The following OSBPL8 variants were observed in gnomAD, a reference collection of about 807,000 sequenced individuals.
OSBPL8 encodes oxysterol binding protein like 8.
In OSBPL8, 59 loss-of-function variants were observed where a neutral mutation model predicts 125.5. The observed-to-expected ratio is 0.47, with a 90% CI of 0.38 to 0.58. The LOEUF is 0.58. OSBPL8 is among the 20% of genes least tolerant of loss of function. OSBPL8 has a pLI of 0.00. For missense variants in OSBPL8, 758 were observed against 1,047.8 expected (o/e 0.72, Z 3.82); for synonymous variants, 330 against 338.9 (o/e 0.97, Z 0.29).
chr12:76,373,451 G>A lies in OSBPL8; in HGVS notation c.1828-18C>T, dbSNP rs1346210972. Reference sequence around the variant, plus strand: ...AGGAATGGCTTTTAAACGAGAAAATGTTAAACATTTTACTTTTCACTTATA... The same window carrying A: ...AGGAATGGCTTTTAAACGAGAAAATATTAAACATTTTACTTTTCACTTATA... On this transcript the variant is annotated intron_variant, in intron 17 of 23. Coordinates refer to ENST00000261183, the MANE Select transcript of OSBPL8 (RefSeq NM_020841.5). 2.6e-6 allele frequency: 4 copies of A among 1,524,802 alleles called. No homozygotes were observed. Among genetic ancestry groups the A allele is most frequent in the South Asian group, 1.2e-5 (1 of 84,264 alleles). The allele number at this position is 1,524,802 out of a possible 1,614,324, so 94.5% of individuals were successfully genotyped here. A position where few individuals can be genotyped will look rare whatever the true frequency, so the allele number is the denominator to read the frequency against.
Position 76,438,149 on chromosome 12 carries a change from G to A in OSBPL8, c.217+12702C>T, listed in dbSNP as rs182537772. On this transcript the variant is annotated intron_variant, in intron 4 of 23. Transcript: ENST00000261183. ...CTACAGGCACGCACCACCACGCCCA[G>A]CTAATTTTTTGTATTTTTAGTAGAG... 3.3e-5 allele frequency among the ~76,000 whole-genome samples: 5 copies of A among 151,902 alleles called. No homozygotes were observed. The East Asian group carries it at 9.7e-4, about 29-fold the overall frequency.
intron 2 of OSBPL8, among the ~76,000 whole-genome samples, chr12:76,466,381 A>C (rs990098023): frequency 3.3e-5 from 5 of 152,232 alleles, no homozygotes; most frequent in Admixed American, 6.5e-5. Context: ...CATTTTAAGA[A>C]TCCAACTTGA....
At chr12:76,548,654 C>T (rs1950851137) in intron 1 of OSBPL8, among the ~76,000 whole-genome samples, 1 of 152,104 alleles carries the variant, frequency 6.6e-6, no homozygotes, top group Non-Finnish European at 1.5e-5. Flanking sequence ...TAGCAGCTAG[C>T]TCCTCTCTCT....
intron 1 of OSBPL8, among the ~76,000 whole-genome samples, chr12:76,540,854 G>A (rs759506584): frequency 6.6e-6 from 1 of 152,062 alleles, no homozygotes; most frequent in Non-Finnish European, 1.5e-5. Flanking sequence ...CTTCCCTTAA[G>A]AAGAGCAAAA....
At chr12:76,474,748 G>A (rs1876589749) in intron 2 of OSBPL8, among the ~76,000 whole-genome samples, 1 of 152,194 alleles carries the variant, frequency 6.6e-6, no homozygotes, top group Admixed American at 6.5e-5. Flanking sequence ...CTCCCAAAGT[G>A]CTGGGATTAC....
intron 1 of OSBPL8, among the ~76,000 whole-genome samples, chr12:76,521,504 A>G (rs1240701001): frequency 1.3e-5 from 2 of 152,346 alleles, no homozygotes; most frequent in South Asian, 2.1e-4. Context: ...TTGTACACCC[A>G]TGTTCACAGC....
At chr12:76,450,052 C>T (rs1185411536) in intron 4 of OSBPL8, among the ~76,000 whole-genome samples, 2 of 152,030 alleles carry the variant, frequency 1.3e-5, no homozygotes, top group East Asian at 1.9e-4. Context: ...GAAGCAGATA[C>T]AAAAATGCAG....
intron 4 of OSBPL8, among the ~76,000 whole-genome samples, chr12:76,431,122 T>TG (rs943677118): frequency 6.6e-6 from 1 of 150,592 alleles, no homozygotes; most frequent in African/African-American, 2.4e-5. Flanking sequence ...AAGTATGAGG[T>TG]GGGGGGAGGT....
In OSBPL8 at chr12:76,425,409, A is replaced by G. The variant is rs148124663; in HGVS notation, c.218-14775T>C. Among the ~76,000 whole-genome samples, 1,198 of 152,328 alleles carry G rather than the reference A, an allele frequency of 7.9e-3. 17 individuals carry two copies. Among genetic ancestry groups the G allele is most frequent in the African/African-American group, 0.027 (1,134 of 41,578 alleles). ...ACAATGCACTATATCTTTGAGAAAC[A>G]GAGAAAATATTCCTATAGGACTTAC... is the stretch of plus-strand genomic sequence containing the variant. On this transcript the variant is annotated intron_variant, in intron 4 of 23. Transcript: ENST00000261183.
chr12:76,502,036 T>C (rs893389299), intron 1 of OSBPL8, among the ~76,000 whole-genome samples: 10 of 152,208 alleles, frequency 6.6e-5, no homozygotes, highest in African/African-American at 2.4e-4. Context: ...CCACTGGCCT[T>C]ACCATGTTCC....
chr12:76,489,984 T>A (rs1878540491), intron 1 of OSBPL8, among the ~76,000 whole-genome samples: 1 of 152,174 alleles, frequency 6.6e-6, no homozygotes, highest in African/African-American at 2.4e-5. Context: ...ACGGATGACT[T>A]TGTGCATTTC....
At chr12:76,416,072 G>A (rs185675575) in intron 4 of OSBPL8, among the ~76,000 whole-genome samples, 4 of 151,666 alleles carry the variant, frequency 2.6e-5, no homozygotes, top group South Asian at 2.1e-4. Context: ...TCTTAATCAC[G>A]ATTTTAAAGC....
chr12:76,356,162 T>TGGGGGGGGGGGGGGGGGTGAGGGGGGGG, intron 23 of OSBPL8, 141 bp from the exon 24 acceptor site: 1 of 131,834 alleles, frequency 7.6e-6, no homozygotes, highest in Non-Finnish European at 1.6e-5. Flanking sequence ...TATGTAGGGG[T>TGGGGGGGGGGGGGGGGGTGAGGGGGGGG]GGGGGGGGGC....
chr12:76,361,113 CTTCTATG>C (rs1409217957), intron 21 of OSBPL8, among the ~76,000 whole-genome samples: 2 of 152,196 alleles, frequency 1.3e-5, no homozygotes, highest in East Asian at 3.8e-4. Flanking sequence ...ATTTTCCAAA[CTTCTATG>C]TTCTGTTTCC....
At chr12:76,422,652 T>C (rs1466798497) in intron 4 of OSBPL8, 8 of 456,356 alleles carry the variant, frequency 1.8e-5, no homozygotes, top group South Asian at 7.7e-5. Context: ...TCTTCTTTCA[T>C]AGCTCAGAAG....
chr12:76,478,232 G>A (rs34644755), intron 2 of OSBPL8, among the ~76,000 whole-genome samples: 57,697 of 151,748 alleles, frequency 0.38, 11,575 homozygotes, highest in Non-Finnish European at 0.46. Context: ...CACACCCTCC[G>A]GTAGCCACCA....
intron 21 of OSBPL8, among the ~76,000 whole-genome samples, chr12:76,364,502 G>A (rs1389459185): frequency 6.6e-6 from 1 of 152,164 alleles, no homozygotes; most frequent in Non-Finnish European, 1.5e-5. Flanking sequence ...ACCTGTCGGT[G>A]GGTGGGAGGC....
chr12:76,483,319 T>C (rs936866653), intron 2 of OSBPL8, among the ~76,000 whole-genome samples: 1 of 151,050 alleles, frequency 6.6e-6, no homozygotes, highest in Non-Finnish European at 1.5e-5. Context: ...TCCTAGCACT[T>C]TGGGAGACTG....
chr12:76,429,887 T>A (rs1007628913), intron 4 of OSBPL8, among the ~76,000 whole-genome samples: 56 of 148,576 alleles, frequency 3.8e-4, no homozygotes, highest in African/African-American at 1.3e-3. Flanking sequence ...ACAAGGGTTT[T>A]AAAAAAAAAA....
Sources: gnomAD v4.1 joint callset for allele counts (sites outside exome capture counted in the v4.1 genomes callset) on GRCh38, gnomAD v4.1.1 for gene constraint, MANE v1.5 for transcripts, NCBI Gene and HGNC (gene_info 2026-07-23, HGNC 2026-07-21) for gene names.